HIBADH: variants seen among roughly 807,000 people sequenced by gnomAD.
HIBADH encodes 3-hydroxyisobutyrate dehydrogenase, mitochondrial.
HIBADH carries 25 observed loss-of-function variants against 36.1 expected under a neutral mutation model. The observed-to-expected ratio is 0.69, with a 90% CI of 0.50 to 0.97. The LOEUF is 0.97. HIBADH is among the 50% of genes least tolerant of loss of function. The probability of loss-of-function intolerance (pLI) is 0.00; values close to 1 mark genes in which losing one functional copy is unlikely to be tolerated. For missense variants in HIBADH, 421 were observed against 418.0 expected, an observed-to-expected ratio of 1.01 and a Z score of -0.06; for synonymous variants, 160 against 149.5, an observed-to-expected ratio of 1.07 and a Z score of -0.51.
intron 1 of HIBADH, among the ~76,000 whole-genome samples, chr7:27,661,200 G>C (rs1457555967): frequency 6.6e-6 from 1 of 152,100 alleles, no homozygotes; most frequent in Non-Finnish European, 1.5e-5. Context: ...CAGACATCTG[G>C]TCTCTTGCAT....
At chr7:27,542,933 C>G in intron 5 of HIBADH, 34 bp downstream of exon 5, 2 of 1,595,870 alleles carry the variant, frequency 1.3e-6, no homozygotes, top group Non-Finnish European at 1.7e-6. Context: ...AATTTTACAT[C>G]ATCAAGTCAA....
intron 4 of HIBADH, among the ~76,000 whole-genome samples, chr7:27,626,164 C>T (rs1386486350): frequency 6.7e-6 from 1 of 149,024 alleles, no homozygotes; most frequent in East Asian, 2.0e-4. Flanking sequence ...AAGCACCAAC[C>T]CCATTTTACA....
intron 3 of HIBADH, among the ~76,000 whole-genome samples, 155 bp downstream of exon 3, chr7:27,632,181 T>C (rs1208468911): frequency 6.6e-6 from 1 of 152,180 alleles, no homozygotes; most frequent in Non-Finnish European, 1.5e-5. Context: ...AAAATAAGCC[T>C]TTTACAATGA....
intron 1 of HIBADH, among the ~76,000 whole-genome samples, chr7:27,662,081 T>G (rs1786433831): frequency 6.6e-6 from 1 of 152,106 alleles, no homozygotes; most frequent in Non-Finnish European, 1.5e-5. Context: ...GCTGAACGTG[T>G]TTTGGTTCAT....
intron 4 of HIBADH, among the ~76,000 whole-genome samples, chr7:27,592,030 A>C (rs755021471): frequency 1.2e-4 from 18 of 152,306 alleles, no homozygotes; most frequent in Non-Finnish European, 2.6e-4. Flanking sequence ...ACATTGTGTT[A>C]TTTCACATTT....
chr7:27,577,834 C>T (rs1213042072), intron 4 of HIBADH, among the ~76,000 whole-genome samples: 1 of 152,142 alleles, frequency 6.6e-6, no homozygotes, highest in African/African-American at 2.4e-5. Flanking sequence ...ACCATTGCTG[C>T]AGAACACATG....
At chr7:27,615,084 G>A (rs975393946) in intron 4 of HIBADH, among the ~76,000 whole-genome samples, 4 of 152,164 alleles carry the variant, frequency 2.6e-5, no homozygotes, top group African/African-American at 9.7e-5. Flanking sequence ...GAAATATGGC[G>A]ATTCCCTGTT....
chr7:27,650,194 C>T (rs751186173), intron 1 of HIBADH, among the ~76,000 whole-genome samples: 1 of 151,152 alleles, frequency 6.6e-6, no homozygotes, highest in African/African-American at 2.4e-5. Context: ...TTCAAAAAGA[C>T]GTAAGTCTTG....
At chr7:27,609,435 C>T (rs1785286597) in intron 4 of HIBADH, among the ~76,000 whole-genome samples, 1 of 152,178 alleles carries the variant, frequency 6.6e-6, no homozygotes, top group Non-Finnish European at 1.5e-5. Flanking sequence ...TTCTGAACTA[C>T]TTGTGCAAAC....
chr7:27,563,828 T>C (rs144511605), intron 4 of HIBADH, among the ~76,000 whole-genome samples: 2,375 of 152,326 alleles, frequency 0.016, 39 homozygotes, highest in Non-Finnish European at 0.025. Flanking sequence ...GTTTGCAACA[T>C]TTCTCTTAGG....
chr7:27,581,773 G>T (rs1784795609), intron 4 of HIBADH, among the ~76,000 whole-genome samples: 1 of 151,438 alleles, frequency 6.6e-6, no homozygotes, highest in South Asian at 2.1e-4. Context: ...AGCACTTAAA[G>T]ACCACCATAC....
intron 6 of HIBADH, among the ~76,000 whole-genome samples, chr7:27,536,948 T>C (rs1784078822): frequency 6.6e-6 from 1 of 152,218 alleles, no homozygotes; most frequent in African/African-American, 2.4e-5. Flanking sequence ...AACATACATA[T>C]GCATACCAAT....
intron 6 of HIBADH, among the ~76,000 whole-genome samples, chr7:27,532,423 AGATT>A (rs1372459204): frequency 6.6e-6 from 1 of 152,240 alleles, no homozygotes; most frequent in Non-Finnish European, 1.5e-5. Context: ...TGGCACGCTC[AGATT>A]GTTTACTCTG....
chr7:27,586,615 T>TGAAGGG (rs112490146), intron 4 of HIBADH, among the ~76,000 whole-genome samples: 113,580 of 150,226 alleles, frequency 0.76, 43,351 homozygotes, highest in East Asian at 0.94. Context: ...TGACCAGAAA[T>TGAAGGG]GAAGGGGAAG....
At chr7:27,620,230 G>A (rs1193080912) in intron 4 of HIBADH, among the ~76,000 whole-genome samples, 3 of 152,054 alleles carry the variant, frequency 2.0e-5, no homozygotes, top group South Asian at 2.1e-4. Flanking sequence ...GGGTTGGGGG[G>A]AATCGCTTGA....
chr7:27,580,261 G>A (rs111775339), intron 4 of HIBADH, among the ~76,000 whole-genome samples: 4 of 152,176 alleles, frequency 2.6e-5, no homozygotes, highest in Admixed American at 6.5e-5. Flanking sequence ...TTGAACTCAG[G>A]TCTTCCAAGT....
intron 2 of HIBADH, among the ~76,000 whole-genome samples, chr7:27,638,382 G>C (rs1785894152): frequency 6.8e-6 from 1 of 147,670 alleles, no homozygotes; most frequent in African/African-American, 2.5e-5. Flanking sequence ...GGAATAACTG[G>C]CTAGCCATAT....
intron 4 of HIBADH, among the ~76,000 whole-genome samples, chr7:27,628,701 C>T (rs1016910377): frequency 1.3e-5 from 2 of 152,006 alleles, no homozygotes; most frequent in Admixed American, 6.6e-5. Context: ...CATACATGGG[C>T]TAAAGGAAAC....
chr7:27,564,338 T>G (rs1168103579), intron 4 of HIBADH, among the ~76,000 whole-genome samples: 4 of 152,228 alleles, frequency 2.6e-5, no homozygotes, highest in Non-Finnish European at 5.9e-5. Flanking sequence ...TTTAGCTCAT[T>G]TTGAGTTATT....
Sources: gnomAD v4.1 joint callset for allele counts (sites outside exome capture counted in the v4.1 genomes callset) on GRCh38, gnomAD v4.1.1 for gene constraint, MANE v1.5 for transcripts, NCBI Gene and HGNC (gene_info 2026-07-23, HGNC 2026-07-21) for gene names.